NBAS: variants seen among roughly 807,000 people sequenced by gnomAD.
NBAS encodes NBAS subunit of NRZ tethering complex.
Under a neutral mutation model 302.5 loss-of-function variants are expected in NBAS, and 219 were observed. The ratio of observed to expected loss-of-function variants is 0.72; its 90% CI spans 0.65 to 0.81. The LOEUF (loss-of-function observed/expected upper bound fraction) is 0.81. Among genes scored for constraint, NBAS ranks in the 30% least tolerant of loss-of-function variants. NBAS has a pLI of 0.00. For synonymous variants in NBAS, 1,118 were observed against 1,021.6 expected (o/e 1.09, Z -1.80); for missense variants, 2,932 against 2,841.6 (o/e 1.03, Z -0.72).
intron 44 of NBAS, among the ~76,000 whole-genome samples, chr2:15,241,041 C>G (rs1250339762): frequency 6.6e-6 from 1 of 152,120 alleles, no homozygotes; most frequent in East Asian, 1.9e-4. Flanking sequence ...CACTTGGTTA[C>G]CAAGTGCAGT....
At chr2:14,998,920 C>T in the NBAS span, among the ~76,000 whole-genome samples, 5 of 152,290 alleles carry the variant, frequency 3.3e-5, no homozygotes, top group East Asian at 9.7e-4. Context: ...CAAGAGACTC[C>T]CAGCACGCTG....
chr2:15,496,401 T>C (rs1173103556), intron 11 of NBAS, among the ~76,000 whole-genome samples: 1 of 152,196 alleles, frequency 6.6e-6, no homozygotes, highest in Non-Finnish European at 1.5e-5. Flanking sequence ...AATTGATTCT[T>C]GAAATCATTG....
chr2:14,785,130 T>C, the NBAS span, among the ~76,000 whole-genome samples: 55,607 of 151,986 alleles, frequency 0.37, 10,386 homozygotes, highest in African/African-American at 0.4. Flanking sequence ...TGTCTGTTAT[T>C]GGTGTATAAG....
the NBAS span, among the ~76,000 whole-genome samples, chr2:15,097,955 A>T: frequency 6.6e-5 from 4 of 60,962 alleles, no homozygotes; most frequent in East Asian, 8.5e-4. Flanking sequence ...TATTGTATAT[A>T]ATATATATAT....
At chr2:15,251,154 G>A (rs1318681012) in intron 44 of NBAS, among the ~76,000 whole-genome samples, 4 of 152,196 alleles carry the variant, frequency 2.6e-5, no homozygotes, top group African/African-American at 9.7e-5. Context: ...CATGTCCTTT[G>A]CAGGGCCATG....
chr2:15,285,811 T>C (rs994208455), intron 42 of NBAS, among the ~76,000 whole-genome samples: 6 of 152,156 alleles, frequency 3.9e-5, no homozygotes, highest in Admixed American at 1.3e-4. Context: ...CCTGCCACCA[T>C]ACTCAGCTAA....
chr2:15,419,709 C>A (rs774091283), intron 23 of NBAS, among the ~76,000 whole-genome samples: 3 of 151,740 alleles, frequency 2.0e-5, no homozygotes, highest in Non-Finnish European at 4.4e-5. Flanking sequence ...ACTTGGTTGA[C>A]GATTTTTTTC....
chr2:14,879,793 G>C, the NBAS span, among the ~76,000 whole-genome samples: 2 of 152,200 alleles, frequency 1.3e-5, no homozygotes, highest in Non-Finnish European at 2.9e-5. Context: ...GCTTATCCCA[G>C]AGCAGAGAAT....
chr2:15,128,055 A>G, the NBAS span, among the ~76,000 whole-genome samples: 1 of 152,332 alleles, frequency 6.6e-6, no homozygotes, highest in Middle Eastern at 3.4e-3. Context: ...GGGGAAGTGT[A>G]TAAACAAGCT....
intron 5 of NBAS, among the ~76,000 whole-genome samples, chr2:15,552,811 T>G (rs1403155076): frequency 9.2e-6 from 1 of 108,780 alleles, no homozygotes; most frequent in Non-Finnish European, 2.0e-5. Flanking sequence ...TTTTTTTTTT[T>G]GAGACAGAGT....
Position 15,456,375 on chromosome 2 carries a change from T to G in NBAS, c.2339+4826A>C, listed in dbSNP as rs150460407. On this transcript the variant is annotated intron_variant, in intron 21 of 51. Coordinates refer to ENST00000281513, the MANE Select transcript of NBAS (RefSeq NM_015909.4). ...TCAACTTGGCATAACTTACTATTGC[T>G]TTGCAAAATTTAATATAGCTTGAAC... is the stretch of plus-strand genomic sequence containing the variant. Among the ~76,000 whole-genome samples, 132 of 152,332 alleles carry G rather than the reference T, an allele frequency of 8.7e-4. 1 individual carries two copies. Among genetic ancestry groups the G allele is most frequent in the African/African-American group, 3.1e-3 (129 of 41,582 alleles).
chr2:15,114,954 G>A, the NBAS span, among the ~76,000 whole-genome samples: 1 of 152,202 alleles, frequency 6.6e-6, no homozygotes, highest in African/African-American at 2.4e-5. Context: ...GCCTTTGGGA[G>A]AATGAGCCTG....
chr2:14,971,836 T>C, the NBAS span, among the ~76,000 whole-genome samples: 8 of 152,202 alleles, frequency 5.3e-5, no homozygotes, highest in African/African-American at 1.9e-4. Flanking sequence ...TGCCATGAAT[T>C]GTTAAAACCA....
chr2:15,344,684 C>T (rs1673007537), intron 35 of NBAS, among the ~76,000 whole-genome samples: 1 of 152,172 alleles, frequency 6.6e-6, no homozygotes, highest in African/African-American at 2.4e-5. Flanking sequence ...CATCCTGATA[C>T]TAAAACTGTG....
At chr2:15,099,613 C>G in the NBAS span, among the ~76,000 whole-genome samples, 1 of 151,756 alleles carries the variant, frequency 6.6e-6, no homozygotes, top group Non-Finnish European at 1.5e-5. Flanking sequence ...TGGGCTAACT[C>G]AATACTCACA....
the NBAS span, among the ~76,000 whole-genome samples, chr2:15,160,585 C>CGGG: frequency 9.8e-5 from 9 of 92,286 alleles, no homozygotes; most frequent in South Asian, 8.1e-4. Context: ...CCAGTGTGGG[C>CGGG]GGGGGGAGGG....
downstream of NBAS, among the ~76,000 whole-genome samples, chr2:15,166,546 G>A (rs1193355361): frequency 6.6e-6 from 1 of 152,098 alleles, no homozygotes; most frequent in African/African-American, 2.4e-5. Context: ...TCAACTTTAC[G>A]AGACAAATAA....
chr2:15,297,875 T>C (rs1558513077), intron 40 of NBAS, among the ~76,000 whole-genome samples: 1 of 152,150 alleles, frequency 6.6e-6, no homozygotes, highest in Non-Finnish European at 1.5e-5. Flanking sequence ...TGTGTGTGTG[T>C]CTGTGTGTGT....
intron 40 of NBAS, among the ~76,000 whole-genome samples, chr2:15,305,458 T>G (rs1572625521): frequency 6.6e-6 from 1 of 150,944 alleles, no homozygotes; most frequent in South Asian, 2.1e-4. Flanking sequence ...AGTTTTTTTT[T>G]TTTTTTTTTT....
Sources: gnomAD v4.1 joint callset for allele counts (sites outside exome capture counted in the v4.1 genomes callset) on GRCh38, gnomAD v4.1.1 for gene constraint, MANE v1.5 for transcripts, NCBI Gene and HGNC (gene_info 2026-07-23, HGNC 2026-07-21) for gene names.